The following ROBO1 variants were observed in gnomAD, a reference collection of about 807,000 sequenced individuals.
ROBO1 encodes roundabout homolog 1.
Under a neutral mutation model 195.9 loss-of-function variants are expected in ROBO1, and 149 were observed. That is an observed-to-expected ratio of 0.76 (90% CI 0.67 to 0.87). The LOEUF (loss-of-function observed/expected upper bound fraction) is 0.87. Ranked by LOEUF, ROBO1 falls within the 40% of genes least tolerant of loss-of-function variation. The probability of loss-of-function intolerance (pLI) is 0.00; values close to 1 mark genes in which losing one functional copy is unlikely to be tolerated. For missense variants in ROBO1, 1,933 were observed against 2,068.3 expected (o/e 0.93, Z 1.27); for synonymous variants, 816 against 733.2 (o/e 1.11, Z -1.82).
At position 79,654,287 on chromosome 3, in the gene ROBO1, T is replaced by C. The variant is rs1576183256; in HGVS notation, c.-50-64326A>G. On this transcript the variant is annotated intron_variant, in intron 1 of 30. Coordinates refer to ENST00000464233, the MANE Select transcript of ROBO1 (RefSeq NM_002941.4). The stretch of plus-strand genomic sequence containing the variant: ...CTAGAGCTTTTGACAAACTACAAAA[T>C]AAAACACTTAAAATGACCGTAGTTT... Among the ~76,000 whole-genome samples the C allele has an allele frequency of 3.9e-5, 6 of 152,042 alleles. No individual in the cohort carries two copies. The South Asian group carries it at 1.2e-3, about 32-fold the overall frequency.
At chr3:78,875,628 G>GA (rs1391896031) in intron 4 of ROBO1, among the ~76,000 whole-genome samples, 2 of 152,072 alleles carry the variant, frequency 1.3e-5, no homozygotes, top group Admixed American at 1.3e-4. Context: ...AGACTGAAGA[G>GA]AGGGTATGTT....
At chr3:79,008,788 T>C (rs1235587659) in intron 3 of ROBO1, among the ~76,000 whole-genome samples, 1 of 149,744 alleles carries the variant, frequency 6.7e-6, no homozygotes, top group Non-Finnish European at 1.5e-5. Flanking sequence ...AGCATCTCAT[T>C]ATGTTGCCCA....
chr3:79,531,801 C>T (rs1941672844), intron 2 of ROBO1, among the ~76,000 whole-genome samples: 1 of 152,068 alleles, frequency 6.6e-6, no homozygotes, highest in Non-Finnish European at 1.5e-5. Context: ...TTAAGGATGA[C>T]ACATTGCTTA....
Position 79,237,475 on chromosome 3 carries a change from C to T in ROBO1, c.89-111936G>A, listed in dbSNP as rs557521562. 2.4e-4 allele frequency among the ~76,000 whole-genome samples: 12 copies of T among 50,250 alleles called. No homozygotes were observed. The East Asian group carries it at 7.3e-3, about 31-fold the overall frequency. 33.0% of individuals were successfully genotyped at this position (50,250 alleles called of 152,430 possible). On this transcript the variant is annotated intron_variant, in intron 2 of 30. Transcript: ENST00000464233. Reference sequence around the variant, plus strand: ...CAGCCTGGGCGACAGAGCAAGACTCCATCTCAAAAAAAAAAAAATAATAAT... The same window carrying T: ...CAGCCTGGGCGACAGAGCAAGACTCTATCTCAAAAAAAAAAAAATAATAAT...
chr3:79,669,586 G>A (rs1223168846), intron 1 of ROBO1, among the ~76,000 whole-genome samples: 1 of 151,892 alleles, frequency 6.6e-6, no homozygotes, highest in Non-Finnish European at 1.5e-5. Context: ...TAGGGATGTA[G>A]TAGACTTTAC....
intron 4 of ROBO1, among the ~76,000 whole-genome samples, chr3:78,855,090 T>C (rs1219904541): frequency 6.6e-6 from 1 of 151,600 alleles, no homozygotes; most frequent in Non-Finnish European, 1.5e-5. Flanking sequence ...ACATGATTTA[T>C]CCCTTCCTGG....
At chr3:79,298,385 G>A (rs2032711556) in intron 2 of ROBO1, among the ~76,000 whole-genome samples, 1 of 151,976 alleles carries the variant, frequency 6.6e-6, no homozygotes, top group Non-Finnish European at 1.5e-5. Context: ...AGCTTGTGAG[G>A]GATCAAATAC....
intron 26 of ROBO1, among the ~76,000 whole-genome samples, chr3:78,623,833 C>T (rs1162256282): frequency 6.6e-6 from 1 of 152,006 alleles, no homozygotes; most frequent in African/African-American, 2.4e-5. Context: ...GTCGGAAGCT[C>T]CAGAAAGAGA....
rs114808987 is a variant in ROBO1 at position 78,916,814 on chromosome 3, G to A, written c.499+21787C>T. ...GGTAAGGGTCTGGATAGACATTACT[G>A]TGTGAATTCAGGTATTCTATTTTTG... On this transcript the variant is annotated intron_variant, in intron 4 of 30. Transcript: ENST00000464233. Among the ~76,000 whole-genome samples, 1,014 of 152,164 alleles carry A rather than the reference G, an allele frequency of 6.7e-3. 14 individuals are homozygous for A. The highest frequency in any genetic ancestry group is 0.023 in the African/African-American group (968 of 41,540).
chr3:79,730,260 G>A (rs1249341660), intron 1 of ROBO1, among the ~76,000 whole-genome samples: 1 of 152,094 alleles, frequency 6.6e-6, no homozygotes, highest in Non-Finnish European at 1.5e-5. Flanking sequence ...TAAATGAAGG[G>A]AGGGGAGATA....
At chr3:79,239,658 A>T (rs2082475824) in intron 2 of ROBO1, among the ~76,000 whole-genome samples, 1 of 152,198 alleles carries the variant, frequency 6.6e-6, no homozygotes, top group African/African-American at 2.4e-5. Context: ...CTTATAGGAT[A>T]CCTCAGTGAT....
chr3:79,366,892 AAC>A (rs869237148), intron 2 of ROBO1, among the ~76,000 whole-genome samples: 2 of 104,758 alleles, frequency 1.9e-5, no homozygotes, highest in African/African-American at 7.8e-5. Flanking sequence ...ATGTCTTAGA[AAC>A]AGGGGGAAGC....
chr3:78,893,360 C>T (rs2037021101), intron 4 of ROBO1, among the ~76,000 whole-genome samples: 1 of 152,232 alleles, frequency 6.6e-6, no homozygotes, highest in Middle Eastern at 3.4e-3. Flanking sequence ...GAACAGCATT[C>T]CTCTCCTCTG....
intron 2 of ROBO1, among the ~76,000 whole-genome samples, chr3:79,471,292 A>G (rs1170612837): frequency 2.6e-5 from 4 of 152,198 alleles, no homozygotes; most frequent in African/African-American, 7.2e-5. Flanking sequence ...CAATAAAATA[A>G]AAAATAGATA....
chr3:79,150,248 TTC>T (rs1173452321), intron 2 of ROBO1, among the ~76,000 whole-genome samples: 1 of 151,488 alleles, frequency 6.6e-6, no homozygotes, highest in Non-Finnish European at 1.5e-5. Context: ...TTGTTGATTT[TTC>T]TTTTTTTTTT....
At position 78,825,068 on chromosome 3, in the gene ROBO1, A is replaced by G. The variant is rs187618213; in HGVS notation, c.500-78168T>C. 1.3e-5 allele frequency among the ~76,000 whole-genome samples: 2 copies of G among 152,110 alleles called. 1 individual carries two copies. The highest frequency in any genetic ancestry group is 3.9e-4 in the East Asian group (2 of 5,174). On this transcript the variant is annotated intron_variant, in intron 4 of 30. Coordinates refer to ENST00000464233, the MANE Select transcript of ROBO1 (RefSeq NM_002941.4). ...AATTTAAATCCCTTTTAACACTATC[A>G]CTCTAACAAAACATGAGTTACTTCA...
At chr3:79,254,966 C>CA (rs930295986) in intron 2 of ROBO1, among the ~76,000 whole-genome samples, 9 of 152,160 alleles carry the variant, frequency 5.9e-5, no homozygotes, top group African/African-American at 2.2e-4. Flanking sequence ...TCAAATGACA[C>CA]AAAAAATGTG....
rs567791616 is a variant in ROBO1, at chr3:79,296,771, C to T, written c.89-171232G>A. On this transcript the variant is annotated intron_variant, in intron 2 of 30. Transcript: ENST00000464233. ...TAAATTTTAAAAGAACTCAGAAACCCGTGATAAGTGCAGAAATTATTGACT... is the reference window on the plus strand; with the variant it reads ...TAAATTTTAAAAGAACTCAGAAACCTGTGATAAGTGCAGAAATTATTGACT... Among the ~76,000 whole-genome samples, 17 of 152,098 alleles carry T rather than the reference C, an allele frequency of 1.1e-4. No individual in the cohort carries two copies. The South Asian group carries it at 1.7e-3, about 15-fold the overall frequency.
At chr3:78,800,399 T>C (rs1023588940) in intron 4 of ROBO1, among the ~76,000 whole-genome samples, 4 of 152,168 alleles carry the variant, frequency 2.6e-5, no homozygotes, top group Non-Finnish European at 5.9e-5. Context: ...AATTTTAATG[T>C]GTATGCTCAG....
Sources: allele counts gnomAD v4.1 joint callset (sites outside exome capture counted in the v4.1 genomes callset), GRCh38; gene constraint gnomAD v4.1.1; transcripts MANE v1.5; gene names NCBI Gene and HGNC (gene_info 2026-07-23, HGNC 2026-07-21).